ZNF710: variants seen among roughly 807,000 people sequenced by gnomAD.
ZNF710 encodes zinc finger protein 710.
A neutral mutation model predicts 50.6 loss-of-function variants in ZNF710; 13 were observed. The observed-to-expected ratio is 0.26, with a 90% CI of 0.17 to 0.41. The LOEUF (loss-of-function observed/expected upper bound fraction) is 0.41. ZNF710 is among the 10% of genes least tolerant of loss of function. The pLI is 1.00. For synonymous variants in ZNF710, 383 were observed against 397.0 expected, an observed-to-expected ratio of 0.96 and a Z score of 0.42; for missense variants, 721 against 936.6, an observed-to-expected ratio of 0.77 and a Z score of 3.01.
At chr15:90,020,870 A>C (rs1487139350) in intron 1 of ZNF710, among the ~76,000 whole-genome samples, 1 of 152,160 alleles carries the variant, frequency 6.6e-6, no homozygotes, top group Non-Finnish European at 1.5e-5. Flanking sequence ...CTGCAACCTT[A>C]GATTCAGATG....
intron 1 of ZNF710, among the ~76,000 whole-genome samples, chr15:90,049,163 G>A (rs944830390): frequency 6.6e-6 from 1 of 152,194 alleles, no homozygotes; most frequent in African/African-American, 2.4e-5. Flanking sequence ...CCCAGTTCCA[G>A]GCATATCCCA....
chr15:90,000,779 G>T (rs1354291614), upstream of ZNF710, among the ~76,000 whole-genome samples: 1 of 152,174 alleles, frequency 6.6e-6, no homozygotes, highest in Non-Finnish European at 1.5e-5. Flanking sequence ...ACTTGGGAAG[G>T]AACCGGCACC....
chr15:90,042,738 C>G (rs1370448142), intron 1 of ZNF710, among the ~76,000 whole-genome samples: 1 of 152,194 alleles, frequency 6.6e-6, no homozygotes, highest in African/African-American at 2.4e-5. Context: ...GACACACGGT[C>G]ACTAGACTGA....
In ZNF710 at chr15:90,062,193, C is replaced by G. The variant is rs1900030325; in HGVS notation, c.-28-4917C>G. Among the ~76,000 whole-genome samples, 1 of 147,090 alleles carries G rather than the reference C, an allele frequency of 6.8e-6. No homozygotes were observed. Among genetic ancestry groups the G allele is most frequent in the African/African-American group, 2.5e-5 (1 of 39,960 alleles). ...TCCTCCTCTGCCCCCCCTTCCCTGT[C>G]TCTTCATTTCTTCTCTCCCTCTCCC... is the stretch of plus-strand genomic sequence containing the variant. On this transcript the variant is annotated intron_variant, in intron 1 of 4. Transcript: ENST00000268154. The surrounding 1 kb of genome is among the most constrained non-coding windows in gnomAD (Gnocchi z 5.6).
intron 1 of ZNF710, among the ~76,000 whole-genome samples, chr15:90,002,246 G>A (rs1898032016): frequency 6.6e-6 from 1 of 151,758 alleles, no homozygotes; most frequent in South Asian, 2.1e-4. Context: ...GGAGAGCTGA[G>A]CGCGCCGCTG....
In ZNF710 at chr15:90,068,825, G is replaced by C. The variant is rs1275693538; in HGVS notation, c.1458+230G>C. Among the ~76,000 whole-genome samples, 1 of 152,190 alleles carries C rather than the reference G, an allele frequency of 6.6e-6. No homozygotes were observed. The highest frequency in any genetic ancestry group is 2.4e-5 in the African/African-American group (1 of 41,456). ...AACATGTATTTGGCCAGGCACAATG[G>C]CTCATGCCTGTAATCCCAGCGCTTT... On this transcript the variant is annotated intron_variant, in intron 2 of 4. Coordinates refer to ENST00000268154, the MANE Select transcript of ZNF710 (RefSeq NM_198526.4). The surrounding 1 kb of genome is among the most constrained non-coding windows in gnomAD (Gnocchi z 5.0).
intron 1 of ZNF710, among the ~76,000 whole-genome samples, chr15:90,038,614 G>A (rs1315380135): frequency 1.3e-5 from 2 of 151,988 alleles, no homozygotes; most frequent in East Asian, 1.9e-4. Flanking sequence ...AAATGTTTTC[G>A]TATGGCTGTT....
chr15:90,079,844 C>G lies in ZNF710; in HGVS notation c.*15C>G. 1 of 1,572,666 alleles carries G rather than the reference C, an allele frequency of 6.4e-7. No individual in the cohort carries two copies. The highest frequency in any genetic ancestry group is 8.6e-7 in the Non-Finnish European group (1 of 1,163,370). On this transcript the variant is annotated 3_prime_UTR_variant, in exon 5 of 5. Transcript: ENST00000268154. ...ATGTGCTATAGCGCAAGCTGGGCCA[C>G]CCCTAACGGGGGCCGGGGGCGAGGG...
At chr15:90,002,992 A>C (rs1230549463) in intron 1 of ZNF710, among the ~76,000 whole-genome samples, 3 of 151,636 alleles carry the variant, frequency 2.0e-5, no homozygotes, top group South Asian at 2.1e-4. Context: ...TCCTGCCTCA[A>C]CCTCCCCAAT....
At chr15:90,000,902 A>G (rs1897994063), upstream of ZNF710, among the ~76,000 whole-genome samples, 1 of 151,874 alleles carries the variant, frequency 6.6e-6, no homozygotes, top group Non-Finnish European at 1.5e-5. Flanking sequence ...TTTGTACCGG[A>G]CAGGGCCGGG....
At chr15:90,022,075 C>G (rs1898641431) in intron 1 of ZNF710, among the ~76,000 whole-genome samples, 1 of 151,594 alleles carries the variant, frequency 6.6e-6, no homozygotes, top group South Asian at 2.1e-4. Context: ...GAGCGAGACT[C>G]TGTCTCAAAA....
chr15:90,053,615 T>C (rs7167436), intron 1 of ZNF710, among the ~76,000 whole-genome samples: 31,137 of 152,078 alleles, frequency 0.2, 3,857 homozygotes, highest in East Asian at 0.61. Flanking sequence ...GCTGGGATTA[T>C]GGGTGTGAGC....
chr15:90,026,511 A>G (rs1420436102), intron 1 of ZNF710, among the ~76,000 whole-genome samples: 1 of 152,146 alleles, frequency 6.6e-6, no homozygotes, highest in Non-Finnish European at 1.5e-5. Context: ...TTTGAATTTG[A>G]TAATACTGAT....
chr15:90,065,646 G>A (rs916261019), intron 1 of ZNF710, among the ~76,000 whole-genome samples: 5 of 152,194 alleles, frequency 3.3e-5, no homozygotes, highest in African/African-American at 7.2e-5. Context: ...GACGGCTCAC[G>A]GAGCAGGTGC....
chr15:90,011,944 C>T (rs946044874), intron 1 of ZNF710, among the ~76,000 whole-genome samples: 3 of 152,192 alleles, frequency 2.0e-5, no homozygotes, highest in African/African-American at 4.8e-5. Context: ...TGGTGGCTCA[C>T]GCCCGTAACC....
rs1430810678 is a variant in ZNF710 at position 90,074,523 on chromosome 15, ATAAC to A, written c.1825+238_1825+241del. On this transcript the variant is annotated intron_variant, in intron 4 of 4. Transcript: ENST00000268154. ...TCACGTAAACAATATAATAAAAATCATAACTAACATTTATTGAGTGCTAACTGTG... is the reference window on the plus strand; with the variant it reads ...TCACGTAAACAATATAATAAAAATCATAACATTTATTGAGTGCTAACTGTG... The A allele has an allele frequency of 4.7e-6, 7 of 1,478,208 alleles. No homozygotes were observed. In the Admixed American group the frequency reaches 6.1e-5, roughly 13 times the overall value. The allele number at this position is 1,478,208 out of a possible 1,614,324, so 91.6% of individuals were successfully genotyped here.
chr15:90,044,958 C>T (rs1201518824), intron 1 of ZNF710, among the ~76,000 whole-genome samples: 1 of 152,114 alleles, frequency 6.6e-6, no homozygotes, highest in African/African-American at 2.4e-5. Context: ...TGTGTCACAC[C>T]TCCACATTAC....
chr15:90,009,266 C>T (rs1402678105), intron 1 of ZNF710, among the ~76,000 whole-genome samples: 1 of 151,796 alleles, frequency 6.6e-6, no homozygotes, highest in African/African-American at 2.4e-5. Flanking sequence ...CTCGCAAGGA[C>T]CAAGTCCAAG....
Position 90,068,232 on chromosome 15 carries a change from C to T in ZNF710, c.1095C>T (p.His365=), listed in dbSNP as rs1267990536. 12 of 1,613,660 alleles carry T rather than the reference C, an allele frequency of 7.4e-6. No individual in the cohort carries two copies. The highest frequency in any genetic ancestry group is 1.0e-5 in the Non-Finnish European group (12 of 1,180,000). Residue 365 remains histidine (H), a synonymous_variant, in exon 2 of 5, where the codon CAC becomes CAT. Transcript: ENST00000268154. The surrounding 1 kb of genome is among the most constrained non-coding windows in gnomAD (Gnocchi z 5.0). ...ACAAGGCCTTCACGCAGACCAGCCA[C>T]CTCAAGCGCCACATGCTGCTGCACT... ...VCHKAFTQTS[H]LKRHMLLHSE...
Sources: gnomAD v4.1 joint callset for allele counts (sites outside exome capture counted in the v4.1 genomes callset) on GRCh38, gnomAD v4.1.1 for gene constraint, Gnocchi (gnomAD v3.1) non-coding constraint, MANE v1.5 for transcripts, NCBI Gene and HGNC (gene_info 2026-07-23, HGNC 2026-07-21) for gene names.